The following KLHL29 variants were observed in gnomAD, a reference collection of about 807,000 sequenced individuals.
KLHL29 encodes the protein kelch-like protein 29.
A neutral mutation model predicts 80.4 loss-of-function variants in KLHL29; 21 were observed. The ratio of observed to expected loss-of-function variants is 0.26; its 90% CI spans 0.19 to 0.38. The LOEUF is 0.38. Ranked by LOEUF, KLHL29 falls within the 10% of genes least tolerant of loss-of-function variation. The pLI, the probability that KLHL29 is intolerant of heterozygous loss-of-function variation, is 1.00. For synonymous variants in KLHL29, 511 were observed against 526.8 expected, an observed-to-expected ratio of 0.97 and a Z score of 0.41; for missense variants, 867 against 1,223.9, an observed-to-expected ratio of 0.71 and a Z score of 4.35.
At chr2:23,489,627 A>G (rs949387675) in intron 2 of KLHL29, among the ~76,000 whole-genome samples, 2 of 152,118 alleles carry the variant, frequency 1.3e-5, no homozygotes, top group Non-Finnish European at 2.9e-5. Flanking sequence ...GCATTAATGC[A>G]TGAAACAAGG....
intron 1 of KLHL29, among the ~76,000 whole-genome samples, chr2:23,417,062 C>T (rs896384348): frequency 1.3e-5 from 2 of 152,190 alleles, no homozygotes; most frequent in Non-Finnish European, 2.9e-5. Context: ...TTCCTGAATA[C>T]TCTTCCTTCC....
At chr2:23,491,920 C>T (rs1665114902) in intron 2 of KLHL29, among the ~76,000 whole-genome samples, 1 of 152,198 alleles carries the variant, frequency 6.6e-6, no homozygotes, top group Non-Finnish European at 1.5e-5. Context: ...AGGCTGTCAG[C>T]TCTGCCTCCT....
chr2:23,469,007 C>T (rs893152523), intron 1 of KLHL29, among the ~76,000 whole-genome samples: 1 of 152,238 alleles, frequency 6.6e-6, no homozygotes, highest in Non-Finnish European at 1.5e-5. Flanking sequence ...GCCAAGTTGT[C>T]TGGCTGTGTG....
intron 1 of KLHL29, among the ~76,000 whole-genome samples, chr2:23,403,758 T>C (rs1201151931): frequency 6.6e-6 from 1 of 151,594 alleles, no homozygotes; most frequent in Non-Finnish European, 1.5e-5. Context: ...TGTGTGTGTG[T>C]GTGTGTGCAG....
At chr2:23,667,442 G>A (rs1383821584) in intron 5 of KLHL29, 2 of 152,244 alleles carry the variant, frequency 1.3e-5, no homozygotes, top group Non-Finnish European at 2.9e-5. Context: ...ACACAGGCCA[G>A]GAACCAATGT....
intron 1 of KLHL29, among the ~76,000 whole-genome samples, chr2:23,467,281 T>A (rs1227325488): frequency 6.6e-6 from 1 of 152,230 alleles, no homozygotes; most frequent in Non-Finnish European, 1.5e-5. Context: ...TCAAGCCACT[T>A]ACCTACACAC....
At chr2:23,463,165 T>C (rs1341675563) in intron 1 of KLHL29, among the ~76,000 whole-genome samples, 1 of 151,672 alleles carries the variant, frequency 6.6e-6, no homozygotes, top group Non-Finnish European at 1.5e-5. Flanking sequence ...ACTTTTTGAA[T>C]GTGAGGATTA....
intron 3 of KLHL29, among the ~76,000 whole-genome samples, chr2:23,605,495 C>G (rs753693457): frequency 1.2e-4 from 18 of 152,240 alleles, no homozygotes; most frequent in African/African-American, 1.7e-4. Flanking sequence ...AACACAGCCC[C>G]CGGCGCCCCA....
chr2:23,445,148 C>T (rs1185128094), intron 1 of KLHL29, among the ~76,000 whole-genome samples: 1 of 152,172 alleles, frequency 6.6e-6, no homozygotes, highest in Non-Finnish European at 1.5e-5. Flanking sequence ...TTAACAAGGG[C>T]ATTAAGTGAA....
At chr2:23,533,677 C>T (rs974229822) in intron 2 of KLHL29, among the ~76,000 whole-genome samples, 3 of 152,092 alleles carry the variant, frequency 2.0e-5, no homozygotes, top group Non-Finnish European at 4.4e-5. Flanking sequence ...GTGAGGACCC[C>T]CCACTCTCCC....
At chr2:23,417,719 T>C (rs746734152) in intron 1 of KLHL29, among the ~76,000 whole-genome samples, 9 of 152,164 alleles carry the variant, frequency 5.9e-5, no homozygotes, top group Non-Finnish European at 1.0e-4. Flanking sequence ...GCCTCACTTT[T>C]CTCTGCTCTT....
intron 3 of KLHL29, among the ~76,000 whole-genome samples, chr2:23,635,366 C>T (rs980420182): frequency 6.6e-6 from 1 of 152,194 alleles, no homozygotes; most frequent in Non-Finnish European, 1.5e-5. Context: ...GCTGGTCCCT[C>T]AGAGCAGCTG....
At chr2:23,690,892 C>T (rs888717913) in intron 6 of KLHL29, 1 of 152,426 alleles carries the variant, frequency 6.6e-6, no homozygotes, top group Non-Finnish European at 1.5e-5. Context: ...CCCCCAGTTC[C>T]CCAGCCCGAC....
chr2:23,484,467 G>A (rs1231722731), intron 2 of KLHL29, among the ~76,000 whole-genome samples: 1 of 152,184 alleles, frequency 6.6e-6, no homozygotes, highest in Non-Finnish European at 1.5e-5. Flanking sequence ...AACAGCACAG[G>A]AGGCAACAAT....
At chr2:23,493,517 A>G (rs1420621324) in intron 2 of KLHL29, among the ~76,000 whole-genome samples, 1 of 152,232 alleles carries the variant, frequency 6.6e-6, no homozygotes, top group Non-Finnish European at 1.5e-5. Flanking sequence ...TTCATAAAGC[A>G]GTGAATACAT....
intron 1 of KLHL29, among the ~76,000 whole-genome samples, chr2:23,409,616 C>T (rs921279237): frequency 3.9e-5 from 6 of 152,248 alleles, no homozygotes; most frequent in Admixed American, 6.5e-5. Context: ...TAAGGCAGTG[C>T]GTCTTCCCTC....
In KLHL29 at chr2:23,655,766, C is replaced by T. The variant is rs1237181522; in HGVS notation, c.940+12916C>T. 4.6e-5 allele frequency among the ~76,000 whole-genome samples: 7 copies of T among 152,148 alleles called. No homozygotes were observed. In the South Asian group the frequency reaches 1.5e-3, roughly 32 times the overall value. ...GGTGGAACTGGTGCAGGGTGGTCCC[C>T]GGGCTCCAGTAGGGTAAGCAGACAT... On this transcript the variant is annotated intron_variant, in intron 5 of 13. Coordinates refer to ENST00000486442, the MANE Select transcript of KLHL29 (RefSeq NM_052920.2).
At chr2:23,422,663 G>A (rs1268248508) in intron 1 of KLHL29, among the ~76,000 whole-genome samples, 2 of 151,718 alleles carry the variant, frequency 1.3e-5, no homozygotes, top group African/African-American at 2.4e-5. Context: ...GTGTGTGTCC[G>A]TGTGTCTTTG....
intron 1 of KLHL29, among the ~76,000 whole-genome samples, chr2:23,447,481 C>T (rs981236088): frequency 1.3e-5 from 2 of 152,190 alleles, no homozygotes; most frequent in East Asian, 3.9e-4. Context: ...TTCTCCTTGC[C>T]TGGGAAATTT....
Sources: gnomAD v4.1 joint callset for allele counts (sites outside exome capture counted in the v4.1 genomes callset) on GRCh38, gnomAD v4.1.1 for gene constraint, MANE v1.5 for transcripts, NCBI Gene and HGNC (gene_info 2026-07-23, HGNC 2026-07-21) for gene names.